SLC13A4: variants seen among roughly 807,000 people sequenced by gnomAD.
The protein encoded by SLC13A4 is solute carrier family 13 member 4.
SLC13A4 carries 28 observed loss-of-function variants against 72.7 expected under a neutral mutation model. The ratio of observed to expected loss-of-function variants is 0.39; its 90% CI spans 0.29 to 0.53. The LOEUF is 0.53. SLC13A4 is among the 20% of genes least tolerant of loss of function. SLC13A4 has a pLI of 0.78. For synonymous variants in SLC13A4, 312 were observed against 325.5 expected (o/e 0.96, Z 0.45); for missense variants, 653 against 788.0 (o/e 0.83, Z 2.05).
chr7:135,681,727 A>T, intron 15 of SLC13A4, 27 bp from the exon 16 acceptor site: 1 of 1,606,462 alleles, frequency 6.2e-7, no homozygotes, highest in Non-Finnish European at 8.5e-7. Flanking sequence ...AGCACACCCT[A>T]GTCACTCTGA....
intron 10 of SLC13A4, chr7:135,693,239 T>G (rs1005311961): frequency 2.0e-5 from 3 of 152,160 alleles, no homozygotes; most frequent in African/African-American, 7.2e-5. Flanking sequence ...GAATACATTT[T>G]GATACAACTC....
At chr7:135,717,545 T>C (rs1275137312) in intron 2 of SLC13A4, among the ~76,000 whole-genome samples, 2 of 152,204 alleles carry the variant, frequency 1.3e-5, no homozygotes, top group Non-Finnish European at 2.9e-5. Flanking sequence ...TCTACTAAAA[T>C]AGAAACTTCT....
At chr7:135,691,356 AACCCTGATGG>A in intron 12 of SLC13A4, 31 bp from the exon 13 acceptor site, 2 of 1,537,426 alleles carry the variant, frequency 1.3e-6, no homozygotes, top group Non-Finnish European at 1.8e-6. Flanking sequence ...AAGCCAGATA[AACCCTGATGG>A]ACGTGATTTG....
At chr7:135,707,968 G>A (rs545375458) in intron 3 of SLC13A4, 146 bp downstream of exon 3, 95 of 879,860 alleles carry the variant, frequency 1.1e-4, no homozygotes, top group African/African-American at 9.5e-4. Flanking sequence ...CTCCCTGGAC[G>A]GGTCCTATGG....
chr7:135,721,102 A>G (rs951704123), intron 2 of SLC13A4, among the ~76,000 whole-genome samples: 1 of 152,214 alleles, frequency 6.6e-6, no homozygotes, highest in Non-Finnish European at 1.5e-5. Flanking sequence ...CATCAATCAC[A>G]CAGCTCCTAA....
At chr7:135,684,834 T>C (rs1795585896) in intron 14 of SLC13A4, among the ~76,000 whole-genome samples, 1 of 152,074 alleles carries the variant, frequency 6.6e-6, no homozygotes, top group African/African-American at 2.4e-5. Flanking sequence ...GAAAGAGCAG[T>C]AGGAGACTAT....
chr7:135,684,291 CG>C (rs778595311), intron 14 of SLC13A4, 30 bp from the exon 15 acceptor site: 15 of 1,572,630 alleles, frequency 9.5e-6, no homozygotes, highest in Non-Finnish European at 8.7e-7. Flanking sequence ...GAAACATTCA[CG>C]AGATTAGGCT....
chr7:135,721,283 G>A (rs1310883123), intron 2 of SLC13A4, 112 bp downstream of exon 2: 2 of 1,295,954 alleles, frequency 1.5e-6, no homozygotes, highest in Admixed American at 2.0e-5. Flanking sequence ...ATTCCAGTGG[G>A]TGACAAGGCC....
rs1469060715 is a variant in SLC13A4 at position 135,694,417 on chromosome 7, C to T, written c.1020-179G>A. Among the ~76,000 whole-genome samples the T allele has an allele frequency of 2.0e-5, 3 of 152,210 alleles. No individual in the cohort carries two copies. In the South Asian group the frequency reaches 6.2e-4, roughly 32 times the overall value. ...TTTTATCTGCCAAGTTATCCGGCCT[C>T]TCATCAACCTTCTCCCCTAGCCTAC... On this transcript the variant is annotated intron_variant, in intron 9 of 15. Coordinates refer to ENST00000682651, the MANE Select transcript of SLC13A4 (RefSeq NM_001318192.2).
intron 1 of SLC13A4, among the ~76,000 whole-genome samples, chr7:135,722,983 A>G (rs1796579111): frequency 2.0e-5 from 3 of 152,168 alleles, no homozygotes; most frequent in South Asian, 4.1e-4. Context: ...TTCTTCTTGC[A>G]GGGGGGCTGT....
intron 2 of SLC13A4, among the ~76,000 whole-genome samples, chr7:135,714,906 G>A (rs1563168516): frequency 6.6e-6 from 1 of 152,230 alleles, no homozygotes; most frequent in Non-Finnish European, 1.5e-5. Context: ...ACACCAGCCC[G>A]AGGCCTGCAG....
intron 13 of SLC13A4, among the ~76,000 whole-genome samples, chr7:135,687,296 A>G (rs1451120376): frequency 6.6e-6 from 1 of 152,190 alleles, no homozygotes; most frequent in African/African-American, 2.4e-5. Flanking sequence ...TGCAATGACA[A>G]TATGGAGAGC....
At chr7:135,695,554 A>G in intron 8 of SLC13A4, 67 bp from the exon 9 acceptor site, 1 of 1,536,006 alleles carries the variant, frequency 6.5e-7, no homozygotes, top group Non-Finnish European at 8.8e-7. Flanking sequence ...TTGGGGTAGT[A>G]TGCCAAATGC....
chr7:135,710,101 A>C (rs746639618), intron 2 of SLC13A4, among the ~76,000 whole-genome samples: 9 of 152,274 alleles, frequency 5.9e-5, no homozygotes, highest in Non-Finnish European at 1.3e-4. Flanking sequence ...CTAACTTCTA[A>C]TTGAAAAACC....
intron 2 of SLC13A4, among the ~76,000 whole-genome samples, chr7:135,714,809 C>G (rs1045509026): frequency 6.6e-6 from 1 of 152,108 alleles, no homozygotes. Context: ...CCGACTCCGG[C>G]GGCACCAGGC....
chr7:135,713,712 T>C (rs1302778585), intron 2 of SLC13A4, among the ~76,000 whole-genome samples: 1 of 152,180 alleles, frequency 6.6e-6, no homozygotes, highest in Non-Finnish European at 1.5e-5. Flanking sequence ...CCGGTAGCTA[T>C]GACTACAGGC....
At chr7:135,722,874 C>T (rs560915656) in intron 1 of SLC13A4, among the ~76,000 whole-genome samples, 10 of 152,174 alleles carry the variant, frequency 6.6e-5, no homozygotes, top group East Asian at 1.9e-4. Flanking sequence ...AGGAAGGCAG[C>T]GATCCTGAGC....
chr7:135,691,501 G>T, intron 12 of SLC13A4, 47 bp downstream of exon 12: 1 of 1,547,588 alleles, frequency 6.5e-7, no homozygotes, highest in South Asian at 1.1e-5. Context: ...AGTCTGATTT[G>T]GGTATTCTTC....
chr7:135,690,507 C>A (rs1009330333), intron 13 of SLC13A4, among the ~76,000 whole-genome samples: 6 of 152,170 alleles, frequency 3.9e-5, no homozygotes, highest in African/African-American at 1.4e-4. Flanking sequence ...TGGTCCCTTA[C>A]AGAGATCGCC....
Sources: gnomAD v4.1 joint callset for allele counts (sites outside exome capture counted in the v4.1 genomes callset) on GRCh38, gnomAD v4.1.1 for gene constraint, MANE v1.5 for transcripts, NCBI Gene and HGNC (gene_info 2026-07-23, HGNC 2026-07-21) for gene names.